SULF1: variants seen among roughly 807,000 people sequenced by gnomAD.
The protein encoded by SULF1 is extracellular sulfatase Sulf-1.
A neutral mutation model predicts 110.5 loss-of-function variants in SULF1; 46 were observed. The observed-to-expected ratio is 0.42, with a 90% confidence interval of 0.33 to 0.53. The LOEUF (loss-of-function observed/expected upper bound fraction) is 0.53. Ranked by LOEUF, SULF1 falls within the 20% of genes least tolerant of loss-of-function variation. The probability of loss-of-function intolerance (pLI) is 0.12; values close to 1 mark genes in which losing one functional copy is unlikely to be tolerated. For missense variants in SULF1, 941 were observed against 1,094.2 expected (o/e 0.86, Z 1.98); for synonymous variants, 371 against 387.1 (o/e 0.96, Z 0.49).
At chr8:69,554,997 AAC>A (rs1491018049) in intron 3 of SULF1, among the ~76,000 whole-genome samples, 12,080 of 68,468 alleles carry the variant, frequency 0.18, 1,629 homozygotes, top group African/African-American at 0.26. Flanking sequence ...AAAAAAAAAA[AAC>A]AAAAAAAAAA....
intron 3 of SULF1, among the ~76,000 whole-genome samples, chr8:69,550,166 A>G (rs1814591002): frequency 6.6e-6 from 1 of 151,782 alleles, no homozygotes; most frequent in Admixed American, 6.6e-5. Flanking sequence ...AAATACAAAA[A>G]CAGAACACTT....
At chr8:69,542,456 G>A (rs916232540) in intron 3 of SULF1, among the ~76,000 whole-genome samples, 1 of 151,950 alleles carries the variant, frequency 6.6e-6, no homozygotes, top group Non-Finnish European at 1.5e-5. Context: ...AGAAAGGTAC[G>A]AGATATGGCT....
intron 1 of SULF1, among the ~76,000 whole-genome samples, chr8:69,478,236 G>T (rs773499894): frequency 2.0e-5 from 3 of 152,118 alleles, no homozygotes; most frequent in Non-Finnish European, 4.4e-5. Context: ...TCGTGCATCT[G>T]AAATAAGCTC....
At chr8:69,612,902 T>C (rs1018264181) in intron 13 of SULF1, among the ~76,000 whole-genome samples, 2 of 152,192 alleles carry the variant, frequency 1.3e-5, no homozygotes, top group African/African-American at 4.8e-5. Context: ...TATTTGCTTT[T>C]GGGGTCTTAG....
At chr8:69,630,933 G>A (rs919272372) in intron 19 of SULF1, among the ~76,000 whole-genome samples, 48 of 152,042 alleles carry the variant, frequency 3.2e-4, no homozygotes, top group African/African-American at 1.0e-3. Context: ...TCGTCATTTA[G>A]TATTAGGTAT....
chr8:69,629,528 C>T lies in SULF1; in HGVS notation c.2133C>T (p.Ser711=), dbSNP rs1810354543. Residue 711 remains serine (S), a synonymous_variant, in exon 19 of 23, where the codon AGC becomes AGT. Transcript: ENST00000402687. ...GGGAGGCTGCTCAGGAAGTAGATAG[C>T]AAACTGCAACTTTTCAAGGAGAACA... is the stretch of plus-strand genomic sequence containing the variant. ...PFKEAAQEVD[S]KLQLFKENNR... The T allele has an allele frequency of 6.2e-7, 1 of 1,613,230 alleles. No individual in the cohort carries two copies.
At chr8:69,624,296 C>T (rs1480631486) in intron 15 of SULF1, 99 bp downstream of exon 15, 6 of 1,473,004 alleles carry the variant, frequency 4.1e-6, no homozygotes, top group Non-Finnish European at 4.5e-6. Flanking sequence ...AGCAGTATCA[C>T]TTGGCAATAC....
chr8:69,575,000 T>C (rs954092113), intron 5 of SULF1, among the ~76,000 whole-genome samples: 3 of 152,154 alleles, frequency 2.0e-5, no homozygotes, highest in African/African-American at 7.2e-5. Flanking sequence ...AACATAGACT[T>C]TCTTCCTTTC....
intron 5 of SULF1, among the ~76,000 whole-genome samples, chr8:69,570,535 A>T (rs114777279): frequency 6.6e-6 from 1 of 152,336 alleles, no homozygotes; most frequent in African/African-American, 2.4e-5. Context: ...CCTTTTTCAT[A>T]CAAATGATTT....
intron 3 of SULF1, among the ~76,000 whole-genome samples, chr8:69,510,080 T>C (rs1035335342): frequency 6.6e-6 from 1 of 152,168 alleles, no homozygotes; most frequent in African/African-American, 2.4e-5. Context: ...AGTAATACCA[T>C]GTATGCACCT....
At chr8:69,644,516 T>G (rs16936206) in intron 22 of SULF1, among the ~76,000 whole-genome samples, 7,402 of 151,918 alleles carry the variant, frequency 0.049, 430 homozygotes, top group African/African-American at 0.15. Flanking sequence ...CAAGAATTGA[T>G]CACTCTCCCA....
chr8:69,494,928 G>C (rs1351771931), intron 1 of SULF1, among the ~76,000 whole-genome samples: 1 of 151,958 alleles, frequency 6.6e-6, no homozygotes, highest in Non-Finnish European at 1.5e-5. Context: ...GTGTTCCAGT[G>C]AGAACTGCTG....
intron 7 of SULF1, 44 bp from the exon 8 acceptor site, chr8:69,588,928 G>A: frequency 6.3e-7 from 1 of 1,579,374 alleles, no homozygotes; most frequent in Non-Finnish European, 8.7e-7. Context: ...TCTGATGAAT[G>A]TCACCTTTTG....
chr8:69,499,455 A>G (rs1036660840), intron 2 of SULF1, among the ~76,000 whole-genome samples: 3 of 152,220 alleles, frequency 2.0e-5, no homozygotes, highest in African/African-American at 7.2e-5. Context: ...AGGAATTTCT[A>G]TTGCATATTA....
At chr8:69,575,942 T>C in intron 5 of SULF1, 28 bp from the exon 6 acceptor site, 2 of 1,610,198 alleles carry the variant, frequency 1.2e-6, no homozygotes, top group Non-Finnish European at 1.7e-6. Flanking sequence ...TGCACTTTGC[T>C]AAACAATGCT....
At chr8:69,499,528 G>A (rs1216658508) in intron 2 of SULF1, among the ~76,000 whole-genome samples, 1 of 152,218 alleles carries the variant, frequency 6.6e-6, no homozygotes, top group Non-Finnish European at 1.5e-5. Context: ...AAAGGATCCA[G>A]GCAATCAGTC....
intron 5 of SULF1, among the ~76,000 whole-genome samples, chr8:69,571,303 C>T (rs1185661564): frequency 6.6e-6 from 1 of 152,216 alleles, no homozygotes; most frequent in Non-Finnish European, 1.5e-5. Flanking sequence ...TACTTGATGG[C>T]ATCCTGCCGT....
In SULF1 at chr8:69,633,968, A is replaced by G. The variant is rs1348562539; in HGVS notation, c.2284+4289A>G. 2.6e-5 allele frequency among the ~76,000 whole-genome samples: 4 copies of G among 152,196 alleles called. No individual in the cohort carries two copies. In the East Asian group the frequency reaches 7.7e-4, roughly 29 times the overall value. On this transcript the variant is annotated intron_variant, in intron 19 of 22. Transcript: ENST00000402687. Reference sequence around the variant, plus strand: ...AATTTGGAAGATTTCTACACAGATTAGAAAATTTGGGTTCCGTGGTTTTTA... The same window carrying G: ...AATTTGGAAGATTTCTACACAGATTGGAAAATTTGGGTTCCGTGGTTTTTA...
intron 15 of SULF1, among the ~76,000 whole-genome samples, chr8:69,626,669 G>A (rs969112061): frequency 2.4e-4 from 36 of 152,344 alleles, no homozygotes; most frequent in Middle Eastern, 6.8e-3. Flanking sequence ...CGAGCGCAGC[G>A]CCGGTGGGCT....
Sources: gnomAD v4.1 joint callset for allele counts (sites outside exome capture counted in the v4.1 genomes callset) on GRCh38, gnomAD v4.1.1 for gene constraint, MANE v1.5 for transcripts, NCBI Gene and HGNC (gene_info 2026-07-23, HGNC 2026-07-21) for gene names.